SCUBE1: variants seen among roughly 807,000 people sequenced by gnomAD.
The protein encoded by SCUBE1 is signal peptide, CUB domain and EGF like domain containing 1.
Under a neutral mutation model 124.4 loss-of-function variants are expected in SCUBE1, and 59 were observed. The ratio of observed to expected loss-of-function variants is 0.47; its 90% CI spans 0.38 to 0.59. The LOEUF is 0.59. Among genes scored for constraint, SCUBE1 ranks in the 20% least tolerant of loss-of-function variants. The pLI is 0.00. For missense variants in SCUBE1, 1,150 were observed against 1,371.2 expected (o/e 0.84, Z 2.55); for synonymous variants, 545 against 550.9 (o/e 0.99, Z 0.15).
At chr22:43,221,610 G>C (rs1482308173) in intron 12 of SCUBE1, among the ~76,000 whole-genome samples, 1 of 152,220 alleles carries the variant, frequency 6.6e-6, no homozygotes, top group Non-Finnish European at 1.5e-5. Context: ...CTTTAGGAAA[G>C]AGCGTAGAAC....
chr22:43,220,129 G>C (rs1922026712), intron 14 of SCUBE1, among the ~76,000 whole-genome samples: 1 of 152,186 alleles, frequency 6.6e-6, no homozygotes, highest in African/African-American at 2.4e-5. Context: ...ACCATTCTAG[G>C]GGGGCTGCAC....
intron 16 of SCUBE1, 142 bp downstream of exon 16, chr22:43,213,948 G>T: frequency 1.1e-6 from 1 of 896,242 alleles, no homozygotes; most frequent in Non-Finnish European, 1.6e-6. Flanking sequence ...GAAGGGTTTT[G>T]GAAACGACAA....
chr22:43,305,588 G>C (rs982142957), intron 3 of SCUBE1, among the ~76,000 whole-genome samples: 1 of 152,168 alleles, frequency 6.6e-6, no homozygotes, highest in African/African-American at 2.4e-5. Flanking sequence ...AGTTTGCTGG[G>C]AGCACAGGGA....
chr22:43,251,470 G>A lies in SCUBE1; in HGVS notation c.727+6749C>T, dbSNP rs190826482. 3.8e-3 allele frequency among the ~76,000 whole-genome samples: 576 copies of A among 152,308 alleles called. 3 individuals are homozygous for A. The highest frequency in any genetic ancestry group is 5.9e-3 in the Non-Finnish European group (401 of 68,030). ...CAGATGTGCTGAAGGACCATGAGACGGGAAATTATCCTGGATTATCTGGAG... is the reference window on the plus strand; with the variant it reads ...CAGATGTGCTGAAGGACCATGAGACAGGAAATTATCCTGGATTATCTGGAG... On this transcript the variant is annotated intron_variant, in intron 6 of 21. Coordinates refer to ENST00000360835, the MANE Select transcript of SCUBE1 (RefSeq NM_173050.5).
chr22:43,301,971 G>A (rs1391007920), intron 3 of SCUBE1, among the ~76,000 whole-genome samples: 1 of 152,206 alleles, frequency 6.6e-6, no homozygotes, highest in Non-Finnish European at 1.5e-5. Flanking sequence ...CTGCCATGAG[G>A]CCCTGCAGCC....
intron 3 of SCUBE1, among the ~76,000 whole-genome samples, chr22:43,298,413 A>G (rs1925643518): frequency 1.3e-5 from 2 of 152,206 alleles, no homozygotes; most frequent in South Asian, 2.1e-4. Flanking sequence ...CCTGAGTCCA[A>G]GCTCAGGGTG....
At chr22:43,264,488 C>T (rs1036665276) in intron 4 of SCUBE1, among the ~76,000 whole-genome samples, 4 of 152,144 alleles carry the variant, frequency 2.6e-5, no homozygotes, top group African/African-American at 7.2e-5. Context: ...AGGCGGCTCT[C>T]GGTAGAGAAA....
chr22:43,270,356 C>G (rs1924244957), intron 4 of SCUBE1: 2 of 152,272 alleles, frequency 1.3e-5, no homozygotes, highest in South Asian at 4.1e-4. Context: ...GATGCTCAAC[C>G]TGTGTTACGT....
intron 8 of SCUBE1, among the ~76,000 whole-genome samples, chr22:43,229,728 T>C (rs1286494403): frequency 6.6e-6 from 1 of 151,928 alleles, no homozygotes; most frequent in East Asian, 1.9e-4. Context: ...AAAAGGGAGC[T>C]CTGATAGAAT....
intron 3 of SCUBE1, among the ~76,000 whole-genome samples, chr22:43,312,673 G>A (rs926981068): frequency 1.3e-5 from 2 of 152,178 alleles, no homozygotes; most frequent in African/African-American, 4.8e-5. Context: ...CTTGGCCCAA[G>A]GAGGCTGAAC....
chr22:43,314,038 G>A (rs1298191473), intron 3 of SCUBE1, among the ~76,000 whole-genome samples: 4 of 152,182 alleles, frequency 2.6e-5, no homozygotes, highest in East Asian at 1.9e-4. Context: ...AACAGAGGAG[G>A]TGCGAACGGG....
At chr22:43,326,283 T>C (rs923756727) in intron 2 of SCUBE1, among the ~76,000 whole-genome samples, 13 of 152,284 alleles carry the variant, frequency 8.5e-5, no homozygotes, top group Non-Finnish European at 1.5e-5. Context: ...TAGCACGTCC[T>C]CTCCTTTGTC....
chr22:43,330,074 A>C (rs77316053), intron 2 of SCUBE1, among the ~76,000 whole-genome samples: 1 of 151,742 alleles, frequency 6.6e-6, no homozygotes, highest in African/African-American at 2.4e-5. Flanking sequence ...AAAAAAAAAA[A>C]CCAACATGCA....
intron 7 of SCUBE1, among the ~76,000 whole-genome samples, chr22:43,237,336 C>G (rs1317590641): frequency 6.6e-6 from 1 of 152,242 alleles, no homozygotes; most frequent in Non-Finnish European, 1.5e-5. Flanking sequence ...GCCTCCAGAC[C>G]CCATTCCAAC....
intron 4 of SCUBE1, among the ~76,000 whole-genome samples, chr22:43,279,078 G>A (rs1258989291): frequency 1.5e-4 from 23 of 152,324 alleles, no homozygotes; most frequent in Non-Finnish European, 5.9e-5. Flanking sequence ...GCTCTTGGGA[G>A]GGCCCAGGAC....
intron 4 of SCUBE1, among the ~76,000 whole-genome samples, chr22:43,272,862 G>T (rs1924345053): frequency 6.6e-6 from 1 of 152,224 alleles, no homozygotes; most frequent in Admixed American, 6.5e-5. Flanking sequence ...TTCCACTGAG[G>T]AGGCTGAAGC....
intron 6 of SCUBE1, among the ~76,000 whole-genome samples, chr22:43,248,406 C>A (rs1923304628): frequency 6.6e-6 from 1 of 152,240 alleles, no homozygotes; most frequent in Non-Finnish European, 1.5e-5. Context: ...CCCTGCCTGG[C>A]ACTGCGACTC....
chr22:43,319,904 G>C, intron 3 of SCUBE1, 33 bp downstream of exon 3: 1 of 1,611,258 alleles, frequency 6.2e-7, no homozygotes, highest in South Asian at 1.1e-5. Flanking sequence ...GGCAGGGTGT[G>C]CCCAGAGGGT....
intron 3 of SCUBE1, among the ~76,000 whole-genome samples, chr22:43,294,789 T>C (rs1170681070): frequency 1.3e-5 from 2 of 152,164 alleles, no homozygotes; most frequent in African/African-American, 4.8e-5. Context: ...GGATGGGTCC[T>C]GTGTGGCTGG....
Sources: allele counts gnomAD v4.1 joint callset (sites outside exome capture counted in the v4.1 genomes callset), GRCh38; gene constraint gnomAD v4.1.1; transcripts MANE v1.5; gene names NCBI Gene and HGNC (gene_info 2026-07-23, HGNC 2026-07-21).